BRIX1: variants seen among roughly 807,000 people sequenced by gnomAD.
The protein encoded by BRIX1 is ribosome biogenesis protein BRX1 homolog.
Under a neutral mutation model 44.0 loss-of-function variants are expected in BRIX1, and 15 were observed. The observed-to-expected ratio is 0.34, with a 90% confidence interval of 0.23 to 0.53. The LOEUF is 0.53. Ranked by LOEUF, BRIX1 falls within the 20% of genes least tolerant of loss-of-function variation. The pLI is 0.95. For missense variants in BRIX1, 420 were observed against 432.8 expected (o/e 0.97, Z 0.26); for synonymous variants, 149 against 135.4 (o/e 1.10, Z -0.70).
At chr5:34,921,907 CAA>C (rs57343458) in intron 3 of BRIX1, 172 of 35,326 alleles carry the variant, frequency 4.9e-3, no homozygotes, top group East Asian at 9.3e-3. Context: ...AACTGCATCG[CAA>C]AAAAAAAAAA....
intron 8 of BRIX1, 48 bp downstream of exon 8, chr5:34,923,282 A>T (rs893851550): frequency 7.2e-7 from 1 of 1,390,176 alleles, no homozygotes; most frequent in Non-Finnish European, 1.0e-6. Flanking sequence ...AATTGAGTTT[A>T]TTTATTTATG....
chr5:34,920,849 G>A (rs1303032675), intron 3 of BRIX1: 1 of 150,550 alleles, frequency 6.6e-6, no homozygotes, highest in Non-Finnish European at 1.5e-5. Flanking sequence ...TTTTTAAGTT[G>A]TTAGGGTTTG....
At chr5:34,922,613 T>C (rs761560002) in intron 5 of BRIX1, 25 bp downstream of exon 5, 1 of 1,595,246 alleles carries the variant, frequency 6.3e-7, no homozygotes. Flanking sequence ...TAAATTTTTT[T>C]AGATGAGGAA....
chr5:34,921,905 CGCAAA>C (rs1764245935), intron 3 of BRIX1: 4 of 129,480 alleles, frequency 3.1e-5, no homozygotes, highest in Non-Finnish European at 3.0e-5. Flanking sequence ...GAAACTGCAT[CGCAAA>C]AAAAAAAAAA....
intron 3 of BRIX1, chr5:34,920,390 A>G (rs186215809): frequency 6.6e-6 from 1 of 152,374 alleles, no homozygotes; most frequent in Admixed American, 6.5e-5. Flanking sequence ...AGCACAGAAC[A>G]TAAATTTACA....
In BRIX1 at chr5:34,922,294, GAA is replaced by G. The variant is rs1764256714; in HGVS notation, c.386+8_386+9del. ...AACAGGATCTCTATATGTGGTAAGAGAATGTATTAAGATTTTGGTTAAACTCA... is the reference window on the plus strand; with the variant it reads ...AACAGGATCTCTATATGTGGTAAGAGTGTATTAAGATTTTGGTTAAACTCA... On this transcript the variant is annotated splice_region_variant and intron_variant, in intron 4 of 9. Coordinates refer to ENST00000336767, the MANE Select transcript of BRIX1 (RefSeq NM_018321.4). The G allele has an allele frequency of 1.3e-6, 2 of 1,522,392 alleles. No homozygotes were observed. Among genetic ancestry groups the G allele is most frequent in the Admixed American group, 1.8e-5 (1 of 56,336 alleles). The allele number at this position is 1,522,392 out of a possible 1,614,324, so 94.3% of individuals were successfully genotyped here. A position where few individuals can be genotyped will look rare whatever the true frequency, so the allele number is the denominator to read the frequency against.
At chr5:34,916,819 C>T (rs1344809265) in intron 1 of BRIX1, 1 of 152,120 alleles carries the variant, frequency 6.6e-6, no homozygotes, top group Non-Finnish European at 1.5e-5. Flanking sequence ...AATTCTAGCC[C>T]CGTTATTAAC....
intron 1 of BRIX1, 62 bp from the exon 2 acceptor site, chr5:34,918,302 C>A: frequency 1.1e-6 from 1 of 887,022 alleles, no homozygotes; most frequent in Non-Finnish European, 1.8e-6. Flanking sequence ...GAGACCCTGT[C>A]ACAAAACAAG....
chr5:34,921,180 TAA>T (rs1224543306), intron 3 of BRIX1: 1 of 152,218 alleles, frequency 6.6e-6, no homozygotes, highest in Non-Finnish European at 1.5e-5. Flanking sequence ...ATGTGGAGTT[TAA>T]GAGTACTATA....
intron 2 of BRIX1, among the ~76,000 whole-genome samples, chr5:34,919,274 CAAAAAAA>C (rs71299559): frequency 2.5e-4 from 9 of 35,978 alleles, no homozygotes; most frequent in Middle Eastern, 0.02. Flanking sequence ...GACCCTGTCT[CAAAAAAA>C]AAAAAAAAAA....
Position 34,922,985 on chromosome 5 carries a change from T to C in BRIX1, c.511-16T>C, listed in dbSNP as rs773970672. 5 of 1,493,632 alleles carry C rather than the reference T, an allele frequency of 3.3e-6. No homozygotes were observed. Among genetic ancestry groups the C allele is most frequent in the Non-Finnish European group, 4.6e-6 (5 of 1,075,520 alleles). The allele number at this position is 1,493,632 out of a possible 1,614,324, so 92.5% of individuals were successfully genotyped here. Reference sequence around the variant, plus strand: ...GCAGTCTACTGTTAAATAATATGCTTACCTTATTTTTATAGGCTTTTGATG... The same window carrying C: ...GCAGTCTACTGTTAAATAATATGCTCACCTTATTTTTATAGGCTTTTGATG... On this transcript the variant is annotated splice_polypyrimidine_tract_variant and intron_variant, in intron 6 of 9. Coordinates refer to ENST00000336767, the MANE Select transcript of BRIX1 (RefSeq NM_018321.4).
At chr5:34,924,692 A>C (rs1764314783) in intron 8 of BRIX1, among the ~76,000 whole-genome samples, 155 bp from the exon 9 acceptor site, 1 of 152,186 alleles carries the variant, frequency 6.6e-6, no homozygotes, top group Non-Finnish European at 1.5e-5. Flanking sequence ...AGATTTCAGA[A>C]AATATTGATG....
rs1312776156 is a variant in BRIX1 at position 34,923,333 on chromosome 5, G to T, written c.663+99G>T. The T allele has an allele frequency of 3.3e-6, 3 of 907,540 alleles. No individual in the cohort carries two copies. The African/African-American group carries it at 5.0e-5, about 15-fold the overall frequency. 56.2% of individuals were successfully genotyped at this position (907,540 alleles called of 1,614,324 possible). Reference sequence around the variant, plus strand: ...TCGCTCTTGTTGCCCAGGCTGGACTGCAGTGGCACAATCTTGGCTCACTGC... The same window carrying T: ...TCGCTCTTGTTGCCCAGGCTGGACTTCAGTGGCACAATCTTGGCTCACTGC... On this transcript the variant is annotated intron_variant, in intron 8 of 9. Transcript: ENST00000336767.
At chr5:34,923,766 A>G (rs1764292082) in intron 8 of BRIX1, among the ~76,000 whole-genome samples, 1 of 152,196 alleles carries the variant, frequency 6.6e-6, no homozygotes, top group South Asian at 2.1e-4. Context: ...AAAAATGCAA[A>G]TAATTCTTTT....
Position 34,925,322 on chromosome 5 carries a change from C to A in BRIX1, c.889C>A (p.Leu297Ile). 1.2e-6 allele frequency: 2 copies of A among 1,613,654 alleles called. No homozygotes were observed. Among genetic ancestry groups the A allele is most frequent in the Non-Finnish European group, 1.7e-6 (2 of 1,179,938 alleles). The change falls in exon 10 of 10, where the codon CTT (leucine) becomes ATT (isoleucine). Residue 297 changes from leucine (L) to isoleucine (I), a missense_variant. Transcript: ENST00000336767. ...QKLRKKEPKT[L>I]LPHDPTADVF... ...ACTGAGAAAGAAAGAGCCGAAGACTCTTCTTCCACATGATCCCACTGCAGA... is the reference window on the plus strand; with the variant it reads ...ACTGAGAAAGAAAGAGCCGAAGACTATTCTTCCACATGATCCCACTGCAGA...
intron 1 of BRIX1, chr5:34,916,667 A>T (rs1000450483): frequency 1.3e-5 from 2 of 152,226 alleles, no homozygotes; most frequent in African/African-American, 4.8e-5. Flanking sequence ...GTGAACAAGG[A>T]TTATCTTTGA....
In BRIX1 at chr5:34,918,352, C is replaced by G. The variant is rs777087596; in HGVS notation, c.160-12C>G. On this transcript the variant is annotated splice_polypyrimidine_tract_variant and intron_variant, in intron 1 of 9. Coordinates refer to ENST00000336767, the MANE Select transcript of BRIX1 (RefSeq NM_018321.4). ...AGATTTTAAAATCTTTTAACATTTT[C>G]TTTTTCTTTAGGGAAAGTGGAAAAA... is the stretch of plus-strand genomic sequence containing the variant. 5.4e-6 allele frequency: 7 copies of G among 1,298,982 alleles called. No homozygotes were observed. In the African/African-American group the frequency reaches 8.9e-5, roughly 16 times the overall value. 80.5% of individuals were successfully genotyped at this position (1,298,982 alleles called of 1,614,324 possible). A position where few individuals can be genotyped will look rare whatever the true frequency, so the allele number is the denominator to read the frequency against.
chr5:34,916,185 G>T (rs41270679), intron 1 of BRIX1: 200 of 228,542 alleles, frequency 8.8e-4, no homozygotes, highest in African/African-American at 4.3e-3. Flanking sequence ...TTGTTCAGTT[G>T]TTTTTTTTTT....
Position 34,923,234 on chromosome 5 carries a change from G to A in BRIX1, c.663G>A (p.Gln221=), listed in dbSNP as rs902540224. The A allele has an allele frequency of 1.3e-6, 2 of 1,590,942 alleles. No individual in the cohort carries two copies. Among genetic ancestry groups the A allele is most frequent in the African/African-American group, 2.7e-5 (2 of 74,354 alleles). ...ATAGGATATGGTTTCGGAACTTTCA[G>A]GTAAGCTTTACTTGATTTTTAATTA... is the stretch of plus-strand genomic sequence containing the variant. ...LDNRIWFRNF[Q]IIEEDAALVE... The change falls in exon 8 of 10, where the codon CAG becomes CAA. Residue 221 remains glutamine (Q), a splice_region_variant and synonymous_variant. Transcript: ENST00000336767.
Sources: gnomAD v4.1 joint callset for allele counts (sites outside exome capture counted in the v4.1 genomes callset) on GRCh38, gnomAD v4.1.1 for gene constraint, MANE v1.5 for transcripts, NCBI Gene and HGNC (gene_info 2026-07-23, HGNC 2026-07-21) for gene names.